The following ECSIT variants were observed in gnomAD, a reference collection of about 807,000 sequenced individuals.
The protein encoded by ECSIT is ECSIT signaling integrator, also known as evolutionarily conserved signaling intermediate in Toll pathway, mitochondrial.
ECSIT carries 29 observed loss-of-function variants against 36.8 expected under a neutral mutation model. The ratio of observed to expected loss-of-function variants is 0.79; its 90% CI spans 0.59 to 1.08. The LOEUF (loss-of-function observed/expected upper bound fraction) is 1.08, where lower values mean the gene tolerates loss of function less well. Ranked by LOEUF, ECSIT falls within the 50% of genes least tolerant of loss-of-function variation. The pLI is 0.00. For synonymous variants in ECSIT, 231 were observed against 234.8 expected, an observed-to-expected ratio of 0.98 and a Z score of 0.15; for missense variants, 542 against 581.0, an observed-to-expected ratio of 0.93 and a Z score of 0.69.
At chr19:11,509,787 T>C (rs1193752690) in intron 4 of ECSIT, among the ~76,000 whole-genome samples, 2 of 151,338 alleles carry the variant, frequency 1.3e-5, no homozygotes, top group Admixed American at 1.3e-4. Context: ...ACAAAAAAAT[T>C]TGAGATGGAT....
intron 1 of ECSIT, among the ~76,000 whole-genome samples, chr19:11,521,193 T>C (rs761622417): frequency 1.3e-5 from 2 of 152,202 alleles, no homozygotes; most frequent in African/African-American, 2.4e-5. Context: ...TTGGGGTTGT[T>C]TGCCAAATGT....
intron 3 of ECSIT, 59 bp downstream of exon 3, chr19:11,513,744 AG>A: frequency 6.3e-7 from 1 of 1,587,714 alleles, no homozygotes; most frequent in Non-Finnish European, 8.6e-7. Context: ...GACTCAGGAG[AG>A]GTGCTGCCAG....
At chr19:11,511,466 A>G (rs1971868936) in intron 4 of ECSIT, among the ~76,000 whole-genome samples, 1 of 151,838 alleles carries the variant, frequency 6.6e-6, no homozygotes, top group Non-Finnish European at 1.5e-5. Flanking sequence ...CCGGAATAAC[A>G]TGAAGTCCAT....
At position 11,513,181 on chromosome 19, in the gene ECSIT, G is replaced by A. The variant is rs1479473961; in HGVS notation, c.613C>T (p.Pro205Ser). 3 of 1,614,138 alleles carry A rather than the reference G, an allele frequency of 1.9e-6. No homozygotes were observed. The East Asian group carries it at 6.7e-5, about 36-fold the overall frequency. Residue 205 changes from proline to serine, a missense_variant, in exon 4 of 8, where the codon CCT becomes TCT. By Grantham distance (74) the Pro-to-Ser change is moderately conservative (BLOSUM62 -1). Transcript: ENST00000270517. ...LKLVRLKLWF[P>S]RFMNVNPFPV... ...AAGGGGTTGACGTTCATGAATCGAG[G>A]GAACCACAGCTTCAGGCGCACCAAC...
chr19:11,508,246 G>C (rs1004473681), intron 4 of ECSIT, among the ~76,000 whole-genome samples, 198 bp from the exon 5 acceptor site: 4 of 152,078 alleles, frequency 2.6e-5, no homozygotes, highest in Non-Finnish European at 5.9e-5. Flanking sequence ...CACCCTGAGG[G>C]AACTACCCTA....
chr19:11,518,317 C>G (rs1972037574), intron 2 of ECSIT, among the ~76,000 whole-genome samples: 1 of 152,092 alleles, frequency 6.6e-6, no homozygotes, highest in Admixed American at 6.6e-5. Context: ...ATCACAGCTA[C>G]TCGGCAGGCT....
In ECSIT at chr19:11,506,170, C is replaced by T. The variant is rs901876018; in HGVS notation, c.*14G>A. ...CTCCTCGGGCCACAGCCCGTGCCCT[C>T]GCGCCGGCTCAGACTAGCTCTGGCC... On this transcript the variant is annotated 3_prime_UTR_variant, in exon 8 of 8. Transcript: ENST00000270517. The T allele has an allele frequency of 6.2e-7, 1 of 1,602,300 alleles. No homozygotes were observed. Among genetic ancestry groups the T allele is most frequent in the Non-Finnish European group, 8.5e-7 (1 of 1,179,434 alleles).
rs1971931819 is a variant in ECSIT, at chr19:11,513,970, C to T, written c.348G>A (p.Lys116=). The T allele has an allele frequency of 1.2e-6, 2 of 1,614,128 alleles. No homozygotes were observed. Among genetic ancestry groups the T allele is most frequent in the African/African-American group, 2.7e-5 (2 of 74,948 alleles). ...HIDFIYLALR[K]MREYGVERDL... The stretch of plus-strand genomic sequence containing the variant: ...CCCGCTCGACACCATACTCCCGCAT[C>T]TTGCGCAGGGCCAGGTAGATGAAGT... The change falls in exon 3 of 8, where the codon AAG becomes AAA. Residue 116 remains lysine (K), a synonymous_variant. Coordinates refer to ENST00000270517, the MANE Select transcript of ECSIT (RefSeq NM_016581.5).
chr19:11,522,550 TAA>T (rs76681732), intron 1 of ECSIT: 6,003 of 551,370 alleles, frequency 0.011, no homozygotes, highest in Middle Eastern at 0.013. Flanking sequence ...AACGCCCCGG[TAA>T]AAAAAAAAAA....
At chr19:11,523,243 T>C (rs1374632200) in intron 1 of ECSIT, among the ~76,000 whole-genome samples, 1 of 152,178 alleles carries the variant, frequency 6.6e-6, no homozygotes, top group East Asian at 1.9e-4. Flanking sequence ...ACCTAATGAA[T>C]AGTAAATTCA....
rs1380915811 is a variant in ECSIT, at chr19:11,506,255, C to T, written c.1225G>A (p.Glu409Lys). The change falls in exon 8 of 8, where the codon GAG becomes AAG. Residue 409 changes from glutamate to lysine, a missense_variant. Transcript: ENST00000270517. The part of the protein sequence containing the change: ...ELQTSSAGLE[E>K]PPLPEDHQEE... The stretch of plus-strand genomic sequence containing the variant: ...TGGTGGTCCTCGGGCAGGGGCGGCT[C>T]CTCCAGCCCTGCAGAGGATGTCTGG... 1.9e-6 allele frequency: 3 copies of T among 1,610,810 alleles called. No individual in the cohort carries two copies. The highest frequency in any genetic ancestry group is 2.2e-5 in the East Asian group (1 of 44,896).
intron 1 of ECSIT, chr19:11,522,314 G>A (rs1032809152): frequency 1.3e-4 from 86 of 669,608 alleles, no homozygotes; most frequent in Admixed American, 7.3e-4. Flanking sequence ...ATGGGCGCCC[G>A]GTACCCCACC....
At chr19:11,511,030 T>G (rs1202762194) in intron 4 of ECSIT, among the ~76,000 whole-genome samples, 2 of 149,560 alleles carry the variant, frequency 1.3e-5, no homozygotes, top group African/African-American at 2.5e-5. Flanking sequence ...CCGCATTTCC[T>G]GGTACACACT....
chr19:11,507,127 C>G (rs1971761170), intron 7 of ECSIT, among the ~76,000 whole-genome samples: 1 of 152,168 alleles, frequency 6.6e-6, no homozygotes, highest in African/African-American at 2.4e-5. Context: ...GACCTCAGGT[C>G]TGGAGCCCCT....
intron 4 of ECSIT, among the ~76,000 whole-genome samples, chr19:11,508,417 T>C (rs1971803891): frequency 7.1e-6 from 1 of 140,376 alleles, no homozygotes; most frequent in Non-Finnish European, 1.5e-5. Context: ...GGGGTCTCCC[T>C]CTCTGTCATC....
At chr19:11,522,371 G>GC in intron 1 of ECSIT, 1 of 860,982 alleles carries the variant, frequency 1.2e-6, no homozygotes, top group Non-Finnish European at 1.9e-6. Context: ...ATAGCAGCCA[G>GC]CAAGTCCCAC....
At position 11,514,096 on chromosome 19, in the gene ECSIT, G is replaced by A. The variant is rs1388411311; in HGVS notation, c.222C>T (p.Asp74=). 2 of 1,614,024 alleles carry A rather than the reference G, an allele frequency of 1.2e-6. No individual in the cohort carries two copies. The highest frequency in any genetic ancestry group is 2.7e-5 in the African/African-American group (2 of 74,940). The change falls in exon 3 of 8, where the codon GAC becomes GAT. Residue 74 remains aspartate, a synonymous_variant. Transcript: ENST00000270517. ...CCCCACCAGGCGCCTGCCCAAACAG[G>A]TCCTCAAAGGGCACCAGAGCCTTGG... ...RPTKALVPFE[D]LFGQAPGGER... is the part of the protein sequence containing the mutation.
chr19:11,528,507 A>C (rs1025784136), intron 1 of ECSIT, among the ~76,000 whole-genome samples: 2 of 152,208 alleles, frequency 1.3e-5, no homozygotes, highest in African/African-American at 2.4e-5. Flanking sequence ...CCATTAACGC[A>C]TTTTTAGTAA....
chr19:11,526,900 A>G (rs1482023837), intron 1 of ECSIT, among the ~76,000 whole-genome samples: 1 of 151,790 alleles, frequency 6.6e-6, no homozygotes, highest in Non-Finnish European at 1.5e-5. Flanking sequence ...TTTGTATTTT[A>G]GTAGAGATGG....
Sources: allele counts gnomAD v4.1 joint callset (sites outside exome capture counted in the v4.1 genomes callset), GRCh38; gene constraint gnomAD v4.1.1; transcripts MANE v1.5; gene names NCBI Gene and HGNC (gene_info 2026-07-23, HGNC 2026-07-21).